The following FAM151B variants were observed in gnomAD, a reference collection of about 807,000 sequenced individuals.
FAM151B encodes family with sequence similarity 151 member B.
Under a neutral mutation model 31.2 loss-of-function variants are expected in FAM151B, and 24 were observed. That is an observed-to-expected ratio of 0.77 (90% CI 0.56 to 1.08). The LOEUF is 1.08. Among genes scored for constraint, FAM151B ranks in the 50% least tolerant of loss-of-function variants. FAM151B has a pLI of 0.00. For missense variants in FAM151B, 293 were observed against 328.6 expected, an observed-to-expected ratio of 0.89 and a Z score of 0.84; for synonymous variants, 105 against 111.4, an observed-to-expected ratio of 0.94 and a Z score of 0.36.
intron 2 of FAM151B, among the ~76,000 whole-genome samples, chr5:80,511,631 G>C (rs1309550252): frequency 6.6e-6 from 1 of 151,864 alleles, no homozygotes; most frequent in Non-Finnish European, 1.5e-5. Context: ...TTTGAGACAG[G>C]AGTCTTGCTC....
At chr5:80,521,960 A>G in intron 4 of FAM151B, 43 bp from the exon 5 acceptor site, 1 of 1,442,550 alleles carries the variant, frequency 6.9e-7, no homozygotes, top group Non-Finnish European at 9.5e-7. Context: ...TTGTCTTTCA[A>G]GATTTCAATC....
chr5:80,495,830 C>CAAAAAAAAAAAAA (rs3072031), intron 1 of FAM151B, among the ~76,000 whole-genome samples: 1 of 88,104 alleles, frequency 1.1e-5, no homozygotes, highest in Non-Finnish European at 2.0e-5. Context: ...GACTCCGTCT[C>CAAAAAAAAAAAAA]AAAAAAAAAA....
chr5:80,509,081 C>T (rs978748553), intron 2 of FAM151B, among the ~76,000 whole-genome samples: 2 of 152,086 alleles, frequency 1.3e-5, no homozygotes, highest in Admixed American at 6.6e-5. Context: ...TTAAGCGATT[C>T]TCCCTCCTCA....
intron 1 of FAM151B, among the ~76,000 whole-genome samples, chr5:80,489,641 T>G (rs986161702): frequency 1.3e-5 from 2 of 152,188 alleles, no homozygotes; most frequent in Non-Finnish European, 2.9e-5. Context: ...AACAAATTTT[T>G]GGGCCGGGCG....
At chr5:80,510,017 G>A (rs954493977) in intron 2 of FAM151B, among the ~76,000 whole-genome samples, 12 of 152,120 alleles carry the variant, frequency 7.9e-5, no homozygotes, top group African/African-American at 2.9e-4. Flanking sequence ...CCTCCACCAG[G>A]TCACAAAGCC....
chr5:80,538,418 TTC>T (rs1190931953), intron 5 of FAM151B, among the ~76,000 whole-genome samples: 2 of 54,684 alleles, frequency 3.7e-5, no homozygotes, highest in African/African-American at 1.0e-4. Flanking sequence ...CTTTCTTTCT[TTC>T]TTTCTTTCTT....
intron 2 of FAM151B, among the ~76,000 whole-genome samples, chr5:80,510,286 G>C (rs1744133255): frequency 6.6e-6 from 1 of 152,166 alleles, no homozygotes; most frequent in African/African-American, 2.4e-5. Context: ...ATATGTCAGT[G>C]GCCTTAATGC....
At chr5:80,525,808 C>A (rs1489828199) in intron 5 of FAM151B, among the ~76,000 whole-genome samples, 5 of 151,932 alleles carry the variant, frequency 3.3e-5, no homozygotes. Context: ...TGTATTTAAA[C>A]ACCAAAACTA....
At chr5:80,525,137 T>G (rs1744902375) in intron 5 of FAM151B, among the ~76,000 whole-genome samples, 1 of 152,212 alleles carries the variant, frequency 6.6e-6, no homozygotes, top group Non-Finnish European at 1.5e-5. Flanking sequence ...TCAATCACCT[T>G]GTGATGTGCT....
intron 2 of FAM151B, among the ~76,000 whole-genome samples, chr5:80,505,611 G>A (rs1371076779): frequency 1.3e-5 from 2 of 151,634 alleles, no homozygotes; most frequent in African/African-American, 2.4e-5. Flanking sequence ...AGCCAGGATG[G>A]TCTCGATCTC....
intron 5 of FAM151B, among the ~76,000 whole-genome samples, chr5:80,527,609 A>G (rs1172366401): frequency 2.0e-5 from 3 of 152,330 alleles, no homozygotes; most frequent in African/African-American, 7.2e-5. Flanking sequence ...AGTGGTAAGT[A>G]TCTGTGTATA....
chr5:80,498,921 C>A, intron 1 of FAM151B: 1 of 292,548 alleles, frequency 3.4e-6, no homozygotes, highest in South Asian at 4.2e-5. Flanking sequence ...TCTATTGTGT[C>A]CGAGGGTTCA....
chr5:80,488,136 G>A lies in FAM151B; in HGVS notation c.13G>A (p.Ala5Thr), dbSNP rs1161052100. 6.5e-7 allele frequency: 1 copy of A among 1,543,228 alleles called. No homozygotes were observed. Among genetic ancestry groups the A allele is most frequent in the Non-Finnish European group, 8.7e-7 (1 of 1,147,484 alleles). Residue 5 changes from alanine (A) to threonine (T), a missense_variant, in exon 1 of 6, where the codon GCT becomes ACT. By Grantham distance (58) the Ala-to-Thr change is moderately conservative. Coordinates refer to ENST00000282226, the MANE Select transcript of FAM151B (RefSeq NM_205548.3). The part of the protein sequence containing the change: MAAS[A>T]GGPGSWSENI... ...GGGCGTCGTCACCATGGCAGCATCC[G>A]CTGGAGGCCCAGGTAAGCGCCGAGC...
At chr5:80,529,966 C>A (rs1745155823) in intron 5 of FAM151B, among the ~76,000 whole-genome samples, 1 of 152,202 alleles carries the variant, frequency 6.6e-6, no homozygotes, top group African/African-American at 2.4e-5. Flanking sequence ...CCGTGATGAA[C>A]ATCGCTGCAA....
intron 5 of FAM151B, among the ~76,000 whole-genome samples, chr5:80,524,378 A>G (rs1744858991): frequency 6.6e-6 from 1 of 152,118 alleles, no homozygotes. Flanking sequence ...CAAATTTTTC[A>G]AATACAACAA....
At position 80,539,818 on chromosome 5, in the gene FAM151B, A is replaced by G. The variant is rs1001278690; in HGVS notation, c.672-1855A>G. On this transcript the variant is annotated intron_variant, in intron 5 of 5. Transcript: ENST00000282226. ...TTTTTTTTTTTTTAAACTGTCTTTT[A>G]TAGGAGTGATTTACGATTATTTTTC... Among the ~76,000 whole-genome samples, 7 of 149,840 alleles carry G rather than the reference A, an allele frequency of 4.7e-5. No homozygotes were observed. In the East Asian group the frequency reaches 1.4e-3, roughly 29 times the overall value.
chr5:80,518,179 C>G (rs1233526264), intron 3 of FAM151B, among the ~76,000 whole-genome samples: 1 of 152,022 alleles, frequency 6.6e-6, no homozygotes, highest in Non-Finnish European at 1.5e-5. Context: ...CTAAAAGGCT[C>G]CCTCCTGAAA....
intron 3 of FAM151B, among the ~76,000 whole-genome samples, chr5:80,514,702 C>G (rs992009279): frequency 3.9e-5 from 6 of 151,932 alleles, no homozygotes; most frequent in Non-Finnish European, 8.8e-5. Flanking sequence ...CTATTGAAAT[C>G]TAGGATTGGC....
intron 5 of FAM151B, among the ~76,000 whole-genome samples, chr5:80,534,676 C>T (rs972086134): frequency 7.2e-5 from 11 of 152,080 alleles, no homozygotes; most frequent in African/African-American, 1.2e-4. Context: ...AAACTGAAAG[C>T]GTTTTCTCTA....
Sources: gnomAD v4.1 joint callset for allele counts (sites outside exome capture counted in the v4.1 genomes callset) on GRCh38, gnomAD v4.1.1 for gene constraint, MANE v1.5 for transcripts, NCBI Gene and HGNC (gene_info 2026-07-23, HGNC 2026-07-21) for gene names.